Variants in ABL1 observed in about 807,000 individuals in gnomAD.
ABL1 encodes ABL proto-oncogene 1, non-receptor tyrosine kinase.
Under a neutral mutation model 94.7 loss-of-function variants are expected in ABL1, and 11 were observed. That is an observed-to-expected ratio of 0.12 (90% CI 0.07 to 0.19). ABL1 has a LOEUF of 0.19. Ranked by LOEUF, ABL1 falls within the 10% of genes least tolerant of loss-of-function variation. The pLI is 1.00. For synonymous variants in ABL1, 656 were observed against 622.4 expected, an observed-to-expected ratio of 1.05 and a Z score of -0.80; for missense variants, 1,082 against 1,489.4, an observed-to-expected ratio of 0.73 and a Z score of 4.50.
intron 3 of ABL1, among the ~76,000 whole-genome samples, chr9:130,857,497 G>C (rs1038736839): frequency 2.0e-5 from 3 of 152,116 alleles, no homozygotes; most frequent in African/African-American, 7.2e-5. Flanking sequence ...AAGTGTATAT[G>C]TGTATCTAGG....
intron 1 of ABL1, among the ~76,000 whole-genome samples, chr9:130,719,376 A>G (rs1831487010): frequency 6.6e-6 from 1 of 152,044 alleles, no homozygotes; most frequent in Non-Finnish European, 1.5e-5. Flanking sequence ...TAAAAATACA[A>G]AAATTAGCTG....
chr9:130,846,565 C>G (rs1366945866), intron 1 of ABL1, among the ~76,000 whole-genome samples: 1 of 152,214 alleles, frequency 6.6e-6, no homozygotes, highest in Non-Finnish European at 1.5e-5. Context: ...TTCCGGAGAG[C>G]CCACAGTGTG....
intron 4 of ABL1, among the ~76,000 whole-genome samples, chr9:130,865,005 C>T (rs762842924): frequency 9.9e-5 from 15 of 152,166 alleles, no homozygotes; most frequent in Non-Finnish European, 2.1e-4. Context: ...GGTGCTGTGG[C>T]ATTGTTTTCT....
chr9:130,862,641 T>C lies in ABL1; in HGVS notation c.550-122T>C. 1 of 1,078,154 alleles carries C rather than the reference T, an allele frequency of 9.3e-7. No individual in the cohort carries two copies. The allele number at this position is 1,078,154 out of a possible 1,614,324, so 66.8% of individuals were successfully genotyped here. ...GATCTTCTAAACACTCTGTCCTGTG[T>C]GGAGAGCTCCTTATGTGAGATTTTG... On this transcript the variant is annotated intron_variant, in intron 3 of 10. Transcript: ENST00000318560. This position sits in a 1 kb window ranked among gnomAD's most constrained non-coding sequence, Gnocchi z 5.5.
At chr9:130,869,760 C>G (rs774513480) in intron 4 of ABL1, among the ~76,000 whole-genome samples, 26 of 152,158 alleles carry the variant, frequency 1.7e-4, no homozygotes, top group Non-Finnish European at 3.4e-4. Context: ...AGGAATGTCA[C>G]AGAATTGCGT....
intron 1 of ABL1, among the ~76,000 whole-genome samples, chr9:130,783,981 G>A (rs577072044): frequency 2.0e-5 from 3 of 152,200 alleles, no homozygotes; most frequent in Admixed American, 6.5e-5. Context: ...TTAAGAAAAC[G>A]TCCACAAGGT....
intron 1 of ABL1, among the ~76,000 whole-genome samples, chr9:130,721,784 C>T (rs141565778): frequency 5.3e-5 from 8 of 149,614 alleles, no homozygotes; most frequent in African/African-American, 1.7e-4. Context: ...TTATTGGATC[C>T]TATAGGCATT....
At chr9:130,819,326 C>T (rs1830328096) in intron 1 of ABL1, among the ~76,000 whole-genome samples, 1 of 151,664 alleles carries the variant, frequency 6.6e-6, no homozygotes, top group Non-Finnish European at 1.5e-5. Flanking sequence ...TGCACTCCAG[C>T]CTGGGCAACA....
At chr9:130,846,079 G>GTC (rs1830765071) in intron 1 of ABL1, among the ~76,000 whole-genome samples, 1 of 125,552 alleles carries the variant, frequency 8.0e-6, no homozygotes, top group Admixed American at 7.7e-5. Context: ...TTAAACGTAT[G>GTC]TCTGTGTGTG....
chr9:130,762,892 A>G (rs1407869082), intron 1 of ABL1, among the ~76,000 whole-genome samples: 1 of 148,378 alleles, frequency 6.7e-6, no homozygotes, highest in African/African-American at 2.5e-5. Flanking sequence ...GCCTGGTGAC[A>G]GAGCGAGACT....
At chr9:130,757,966 G>GT (rs1832062507) in intron 1 of ABL1, among the ~76,000 whole-genome samples, 1 of 152,172 alleles carries the variant, frequency 6.6e-6, no homozygotes, top group South Asian at 2.1e-4. Context: ...GCACACCCAG[G>GT]TGCTGTCCCT....
chr9:130,807,680 A>T (rs1381424524), intron 1 of ABL1, among the ~76,000 whole-genome samples: 1 of 131,402 alleles, frequency 7.6e-6, no homozygotes, highest in African/African-American at 3.4e-5. Context: ...ATATATATAT[A>T]TATATATATA....
chr9:130,872,906 G>A lies in ABL1; in HGVS notation c.954G>A (p.Met318Ile). The change falls in exon 6 of 11, where the codon ATG becomes ATA. Residue 318 changes from methionine (M) to isoleucine (I), a missense_variant. Around this residue, in one of 7 missense-constraint regions of ABL1, gnomAD observed 92 missense variants for 212.3 expected, o/e 0.43. Coordinates refer to ENST00000318560, the MANE Select transcript of ABL1 (RefSeq NM_005157.6). This position sits in a 1 kb window ranked among gnomAD's most constrained non-coding sequence, Gnocchi z 5.0. Reference sequence around the variant, plus strand: ...CGTTCTATATCATCACTGAGTTCATGACCTACGGGAACCTCCTGGACTACC... The same window carrying A: ...CGTTCTATATCATCACTGAGTTCATAACCTACGGGAACCTCCTGGACTACC... ...EPPFYIITEF[M>I]TYGNLLDYLR... 6.2e-7 allele frequency: 1 copy of A among 1,614,164 alleles called. No individual in the cohort carries two copies. Among genetic ancestry groups the A allele is most frequent in the Non-Finnish European group, 8.5e-7 (1 of 1,179,998 alleles).
At chr9:130,730,120 C>T (rs1034602820) in intron 1 of ABL1, among the ~76,000 whole-genome samples, 7 of 146,050 alleles carry the variant, frequency 4.8e-5, no homozygotes, top group Non-Finnish European at 7.4e-5. Context: ...CTTAGCTGAC[C>T]GCTACCTCCG....
chr9:130,831,490 C>T (rs1284269977), upstream of ABL1, among the ~76,000 whole-genome samples: 2 of 152,204 alleles, frequency 1.3e-5, no homozygotes, highest in Non-Finnish European at 2.9e-5. Context: ...AGAACTATGC[C>T]TATCTTAAAT....
At chr9:130,725,823 G>C (rs1176054826) in intron 1 of ABL1, among the ~76,000 whole-genome samples, 2 of 80,858 alleles carry the variant, frequency 2.5e-5, no homozygotes, top group African/African-American at 6.0e-5. Flanking sequence ...TGTGTATGGT[G>C]GTTTTTTTTT....
At chr9:130,853,350 A>G (rs151221882) in intron 1 of ABL1, among the ~76,000 whole-genome samples, 1 of 149,876 alleles carries the variant, frequency 6.7e-6, no homozygotes, top group African/African-American at 2.5e-5. Context: ...TGATTTTTGT[A>G]TTTGTAGTAA....
In ABL1 at chr9:130,750,291, T is replaced by G. The variant is rs1185232757; in HGVS notation, c.136+35836T>G. On this transcript the variant is annotated intron_variant, in intron 1 of 10. Coordinates refer to the ABL1 transcript ENST00000372348. ...CTGGTAAAGGCTTTTTCATTATGGATTTTTCAGTTTATTTCTTCTAAGTTT... is the reference window on the plus strand; with the variant it reads ...CTGGTAAAGGCTTTTTCATTATGGAGTTTTCAGTTTATTTCTTCTAAGTTT... 2.0e-5 allele frequency among the ~76,000 whole-genome samples: 3 copies of G among 148,424 alleles called. No homozygotes were observed. In the South Asian group the frequency reaches 6.4e-4, roughly 32 times the overall value.
At chr9:130,858,529 G>A (rs769050231) in intron 3 of ABL1, among the ~76,000 whole-genome samples, 5 of 152,260 alleles carry the variant, frequency 3.3e-5, no homozygotes, top group East Asian at 1.9e-4. Context: ...CCAGCAGACC[G>A]TCTGCGGAGG....
Sources: allele counts gnomAD v4.1 joint callset (sites outside exome capture counted in the v4.1 genomes callset), GRCh38; gene constraint gnomAD v4.1.1; regional missense constraint gnomAD v4.1.1; non-coding constraint Gnocchi (gnomAD v3.1); transcripts MANE v1.5; gene names NCBI Gene and HGNC (gene_info 2026-07-23, HGNC 2026-07-21).